CFAP65: variants seen among roughly 807,000 people sequenced by gnomAD.
CFAP65 encodes the protein cilia- and flagella-associated protein 65.
CFAP65 carries 155 observed loss-of-function variants against 208.0 expected under a neutral mutation model. The observed-to-expected ratio is 0.75, with a 90% CI of 0.65 to 0.85. The LOEUF (loss-of-function observed/expected upper bound fraction) is 0.85. Ranked by LOEUF, CFAP65 falls within the 40% of genes least tolerant of loss-of-function variation. CFAP65 has a pLI of 0.00. For synonymous variants in CFAP65, 970 were observed against 986.3 expected, an observed-to-expected ratio of 0.98 and a Z score of 0.31; for missense variants, 2,294 against 2,451.3, an observed-to-expected ratio of 0.94 and a Z score of 1.36.
rs573688689 is a variant in CFAP65 at position 219,023,746 on chromosome 2, C to CT, written c.2595+268dup. Reference sequence around the variant, plus strand: ...ATATCCCTCTACCACCTGCAGGTGTCTTTTGCCTCCCCCAGATCCTTCCTC... The same window carrying CT: ...ATATCCCTCTACCACCTGCAGGTGTCTTTTTGCCTCCCCCAGATCCTTCCTC... On this transcript the variant is annotated intron_variant, in intron 15 of 34. Transcript: ENST00000341552. 1.9e-3 allele frequency among the ~76,000 whole-genome samples: 282 copies of CT among 152,348 alleles called. 1 individual carries two copies. Among genetic ancestry groups the CT allele is most frequent in the Non-Finnish European group, 2.8e-3 (192 of 68,030 alleles).
chr2:219,008,737 A>AAAAAAT (rs1252510014), intron 29 of CFAP65, among the ~76,000 whole-genome samples: 3 of 152,230 alleles, frequency 2.0e-5, no homozygotes, highest in Non-Finnish European at 2.9e-5. Flanking sequence ...CTGTCTCAAA[A>AAAAAAT]AAAAATAAAA....
chr2:219,012,346 T>A (rs1946544248), intron 24 of CFAP65, among the ~76,000 whole-genome samples: 1 of 152,214 alleles, frequency 6.6e-6, no homozygotes, highest in African/African-American at 2.4e-5. Context: ...TTATCTCCTT[T>A]TAGCAAATGG....
Position 219,002,996 on chromosome 2 carries a change from G to T in CFAP65, c.5719C>A (p.Pro1907Thr). 1.9e-6 allele frequency: 3 copies of T among 1,561,864 alleles called. No homozygotes were observed. The highest frequency in any genetic ancestry group is 1.7e-6 in the Non-Finnish European group (2 of 1,152,406). Residue 1907 changes from proline (P) to threonine (T), a missense_variant, in exon 35 of 35, where the codon CCG (proline) becomes ACG (threonine). Physicochemically the swap from Pro to Thr is conservative, Grantham distance 38. Coordinates refer to ENST00000341552, the MANE Select transcript of CFAP65 (RefSeq NM_194302.4). The surrounding 1 kb of genome is among the most constrained non-coding windows in gnomAD (Gnocchi z 7.9). The stretch of plus-strand genomic sequence containing the variant: ...TGGAGTACCTCTGCTTGCTGCGTCG[G>T]CAGCAGCGTGTCCGGGGTCAGACTC... Reference protein sequence around the residue: ...PRSLTPDTLLPTQQAEVLHPV... With the variant: ...PRSLTPDTLLTTQQAEVLHPV...
rs112884454 is a variant in CFAP65, at chr2:219,007,149, G to T, written c.4675-640C>A. On this transcript the variant is annotated intron_variant, in intron 29 of 34. Coordinates refer to ENST00000341552, the MANE Select transcript of CFAP65 (RefSeq NM_194302.4). ...CATGCCCCCAAGAAGAGTTTTTTTT[G>T]TTGTTGTTGTTTTTGTTTGTTTTTT... Among the ~76,000 whole-genome samples, 1,027 of 149,612 alleles carry T rather than the reference G, an allele frequency of 6.9e-3. 19 individuals carry two copies. Among genetic ancestry groups the T allele is most frequent in the Admixed American group, 0.039 (584 of 15,094 alleles).
Position 219,030,609 on chromosome 2 carries a change from G to A in CFAP65, c.1161+80C>T. The A allele has an allele frequency of 1.9e-6, 3 of 1,538,738 alleles. No homozygotes were observed. In the South Asian group the frequency reaches 3.7e-5, roughly 19 times the overall value. The stretch of plus-strand genomic sequence containing the variant: ...GCCAAAGGCATGGAGAGAAAGGGGG[G>A]GCATTCTGCAAGGCGGTGATTTTAG... On this transcript the variant is annotated intron_variant, in intron 9 of 34. Coordinates refer to ENST00000341552, the MANE Select transcript of CFAP65 (RefSeq NM_194302.4).
chr2:219,014,654 A>G (rs1374951754), intron 21 of CFAP65: 4 of 152,472 alleles, frequency 2.6e-5, no homozygotes, highest in Admixed American at 2.0e-4. Flanking sequence ...ACTCTCGGAG[A>G]TGGCACAGAA....
Position 219,015,074 on chromosome 2 carries a change from C to T in CFAP65, c.3603-1030G>A, listed in dbSNP as rs567058776. 159 of 147,482 alleles carry T rather than the reference C, an allele frequency of 1.1e-3. 1 individual carries two copies. The highest frequency in any genetic ancestry group is 3.5e-3 in the African/African-American group (136 of 38,940). 9.1% of individuals were successfully genotyped at this position (147,482 alleles called of 1,614,324 possible). A position where few individuals can be genotyped will look rare whatever the true frequency, so the allele number is the denominator to read the frequency against. ...GCACAACACACACCCGAGGAGAATG[C>T]GCACAACACACACCTGAGAGGAAGC... is the stretch of plus-strand genomic sequence containing the variant. On this transcript the variant is annotated intron_variant, in intron 21 of 34. Transcript: ENST00000341552.
In CFAP65 at chr2:219,004,330, T is replaced by C; in HGVS notation, c.5177A>G (p.Tyr1726Cys). The change falls in exon 33 of 35, where the codon TAC becomes TGC. Residue 1726 changes from tyrosine (Y) to cysteine (C), a missense_variant. Around this residue, in one of 2 missense-constraint regions of CFAP65, gnomAD observed 1,427 missense variants for 1,438.7 expected, o/e 0.99. Coordinates refer to ENST00000341552, the MANE Select transcript of CFAP65 (RefSeq NM_194302.4). This position sits in a 1 kb window ranked among gnomAD's most constrained non-coding sequence, Gnocchi z 4.7. ...TKFMDQKNSLYLMPILPVPSS... is the reference protein window; with the variant it reads ...TKFMDQKNSLCLMPILPVPSS... The stretch of plus-strand genomic sequence containing the variant: ...GGGTACAGGCAGGATTGGCATTAAG[T>C]ACAGGCTGTTTTTCTGGTCCATGAA... 6.2e-7 allele frequency: 1 copy of C among 1,614,128 alleles called. No individual in the cohort carries two copies. The highest frequency in any genetic ancestry group is 8.5e-7 in the Non-Finnish European group (1 of 1,180,034).
At chr2:219,018,924 G>T in intron 21 of CFAP65, 127 bp downstream of exon 21, 1 of 1,315,204 alleles carries the variant, frequency 7.6e-7, no homozygotes, top group Non-Finnish European at 1.1e-6. Flanking sequence ...AGCCGTCAAT[G>T]TGAGGTCCAC....
At chr2:219,015,828 A>G (rs1315664344) in intron 21 of CFAP65, 1 of 152,250 alleles carries the variant, frequency 6.6e-6, no homozygotes, top group Non-Finnish European at 1.5e-5. Context: ...AACGATTTAA[A>G]GTCCATCCAT....
At chr2:219,009,588 G>A in intron 27 of CFAP65, 128 bp from the exon 28 acceptor site, 1 of 624,002 alleles carries the variant, frequency 1.6e-6, no homozygotes. Context: ...GGATAGGATG[G>A]GACAAGATGG....
rs779368200 is a variant in CFAP65, at chr2:219,024,106, TG to T, written c.2503del (p.Gln835ArgfsTer33). On this transcript the variant is annotated frameshift_variant, in exon 15 of 35. Transcript: ENST00000341552. LOFTEE classifies it high-confidence loss of function. ...TSGLVAPGAH[Q>X]IILICTYPEG... ...AGGGTAGGTGCAGATGAGGATGATCTGGTGGGCCCCGGGTGCCACAAGGCCC... is the reference window on the plus strand; with the variant it reads ...AGGGTAGGTGCAGATGAGGATGATCTGTGGGCCCCGGGTGCCACAAGGCCC... The T allele has an allele frequency of 4.3e-6, 7 of 1,614,070 alleles. No individual in the cohort carries two copies. The highest frequency in any genetic ancestry group is 5.9e-6 in the Non-Finnish European group (7 of 1,180,034).
chr2:219,024,002 C>G lies in CFAP65; in HGVS notation c.2595+13G>C. 3 of 1,609,856 alleles carry G rather than the reference C, an allele frequency of 1.9e-6. No homozygotes were observed. The highest frequency in any genetic ancestry group is 1.7e-6 in the Non-Finnish European group (2 of 1,177,040). On this transcript the variant is annotated intron_variant, in intron 15 of 34. Coordinates refer to ENST00000341552, the MANE Select transcript of CFAP65 (RefSeq NM_194302.4). The stretch of plus-strand genomic sequence containing the variant: ...ATTCCCAAGGACCCAGGTCCCCTCC[C>G]TCTGCCTCCTACCTTGAGATACTGG...
chr2:219,006,286 G>T, intron 30 of CFAP65, 63 bp from the exon 31 acceptor site: 4 of 1,543,808 alleles, frequency 2.6e-6, no homozygotes, highest in Non-Finnish European at 3.5e-6. Flanking sequence ...CACCAATGGG[G>T]TCCCTTGACC....
chr2:219,020,499 G>A (rs1478904566), intron 19 of CFAP65, among the ~76,000 whole-genome samples: 1 of 152,144 alleles, frequency 6.6e-6, no homozygotes, highest in Admixed American at 6.5e-5. Flanking sequence ...TCCTGCCTCA[G>A]CCTCCCAAGT....
intron 21 of CFAP65, among the ~76,000 whole-genome samples, chr2:219,016,454 C>T (rs1325530981): frequency 6.6e-6 from 1 of 152,050 alleles, no homozygotes; most frequent in African/African-American, 2.4e-5. Flanking sequence ...ACCACCACAT[C>T]TGACTAATTT....
At chr2:219,026,948 G>C (rs1947671569) in intron 13 of CFAP65, 2 of 986,670 alleles carry the variant, frequency 2.0e-6, no homozygotes, top group Non-Finnish European at 2.4e-6. Flanking sequence ...CCCAAGTTTA[G>C]AGATGAAAAG....
rs1353856712 is a variant in CFAP65, at chr2:219,006,020, C to G, written c.4922+1G>C. The stretch of plus-strand genomic sequence containing the variant: ...TGACCCCTGCCTTCCCAAGAGCTTA[C>G]CGGTGCAAAAAGTGGCAGGGAAACT... On this transcript the variant is annotated splice_donor_variant, in intron 31 of 34. Coordinates refer to ENST00000341552, the MANE Select transcript of CFAP65 (RefSeq NM_194302.4). LOFTEE classifies it high-confidence loss of function. 12 of 1,613,086 alleles carry G rather than the reference C, an allele frequency of 7.4e-6. No homozygotes were observed. Among genetic ancestry groups the G allele is most frequent in the Admixed American group, 1.7e-5 (1 of 59,990 alleles).
chr2:219,017,407 C>T (rs1437865983), intron 21 of CFAP65, among the ~76,000 whole-genome samples: 1 of 152,226 alleles, frequency 6.6e-6, no homozygotes, highest in African/African-American at 2.4e-5. Context: ...CTGCTGCTGC[C>T]TCCTGGCCCT....
Sources: allele counts gnomAD v4.1 joint callset (sites outside exome capture counted in the v4.1 genomes callset), GRCh38; gene constraint gnomAD v4.1.1; regional missense constraint gnomAD v4.1.1; non-coding constraint Gnocchi (gnomAD v3.1); transcripts MANE v1.5; gene names NCBI Gene and HGNC (gene_info 2026-07-23, HGNC 2026-07-21).